Variants in MAP3K15 observed in about 807,000 individuals in gnomAD.
MAP3K15 encodes the protein mitogen-activated protein kinase kinase kinase 15.
A neutral mutation model predicts 99.5 loss-of-function variants in MAP3K15; 124 were observed. That is an observed-to-expected ratio of 1.25 (90% CI 1.08 to 1.45). MAP3K15 has a LOEUF of 1.45. Among genes scored for constraint, MAP3K15 ranks in the 40% most tolerant of loss-of-function variants. The probability of loss-of-function intolerance (pLI) is 0.00; values close to 1 mark genes in which losing one functional copy is unlikely to be tolerated. For synonymous variants in MAP3K15, 494 were observed against 439.6 expected (o/e 1.12, Z -1.55); for missense variants, 1,242 against 1,079.7 (o/e 1.15, Z -2.11).
rs753204408 is a variant in MAP3K15 at position 19,417,899 on chromosome X, T to C, written c.1440-2642A>G. 2.7e-5 allele frequency among the ~76,000 whole-genome samples: 3 copies of C among 112,187 alleles called. No individual in the cohort carries two copies. The South Asian group carries it at 1.1e-3, about 41-fold the overall frequency. ...TGCTGTTCACCAATATCCGCTGTTC[T>C]GCAGCCTCTGCTGCTGATACCCAGG... On this transcript the variant is annotated intron_variant, in intron 9 of 28. Coordinates refer to ENST00000338883, the MANE Select transcript of MAP3K15 (RefSeq NM_001001671.4).
chrX:19,458,955 G>T (rs2064112857), intron 5 of MAP3K15, among the ~76,000 whole-genome samples: 1 of 111,889 alleles, frequency 8.9e-6, no homozygotes, highest in African/African-American at 3.2e-5. Context: ...TCAACTTGGA[G>T]AGAGGAAACG....
chrX:19,477,531 TA>T (rs1337354496), intron 3 of MAP3K15, among the ~76,000 whole-genome samples: 1 of 106,590 alleles, frequency 9.4e-6, no homozygotes. Flanking sequence ...CCAACAGGGT[TA>T]AACCCCATCT....
At chrX:19,450,819 T>C (rs1467112541) in intron 6 of MAP3K15, among the ~76,000 whole-genome samples, 2 of 108,411 alleles carry the variant, frequency 1.8e-5, no homozygotes, top group Non-Finnish European at 3.9e-5. Flanking sequence ...TTTAAGCAAA[T>C]ATTTTTTTAA....
Position 19,431,449 on chromosome X carries a change from G to A in MAP3K15, c.1155C>T (p.Ser385=), listed in dbSNP as rs755422022. Residue 385 remains serine, a synonymous_variant, in exon 7 of 29, where the codon AGC becomes AGT. Transcript: ENST00000338883. ...SDCKDDTSRD[S]AIEWYRKGFE... is the part of the protein sequence containing the mutation. ...GGCTGAGGGTTTACCACTCAATGGC[G>A]CTGTCGCGGCTGGTGTCATCTTTGC... 2 of 1,198,889 alleles carry A rather than the reference G, an allele frequency of 1.7e-6. No individual in the cohort carries two copies. The highest frequency in any genetic ancestry group is 1.8e-5 in the South Asian group (1 of 56,793).
chrX:19,490,379 C>A (rs2064360690), intron 1 of MAP3K15, among the ~76,000 whole-genome samples: 1 of 111,193 alleles, frequency 9.0e-6, no homozygotes, highest in Non-Finnish European at 1.9e-5. Flanking sequence ...TTATTCATTT[C>A]CTATTTCACA....
At chrX:19,411,183 C>CA (rs1227589192) in intron 11 of MAP3K15, among the ~76,000 whole-genome samples, 3,348 of 89,144 alleles carry the variant, frequency 0.038, 152 homozygotes, top group African/African-American at 0.12. Flanking sequence ...GACCCTGCCT[C>CA]AAAAAAAAAA....
chrX:19,362,230 CTTTTT>C (rs1159241316), intron 26 of MAP3K15, among the ~76,000 whole-genome samples: 1 of 75,687 alleles, frequency 1.3e-5, no homozygotes. Flanking sequence ...CCTTTTGAAT[CTTTTT>C]TTTTTTTTTT....
chrX:19,392,318 C>T, intron 17 of MAP3K15, 25 bp downstream of exon 17: 1 of 1,198,061 alleles, frequency 8.3e-7, no homozygotes, highest in Non-Finnish European at 1.1e-6. Flanking sequence ...CAAAGGCAAC[C>T]TCGTCAGCTT....
intron 6 of MAP3K15, among the ~76,000 whole-genome samples, chrX:19,439,625 G>T (rs1031833581): frequency 5.4e-5 from 6 of 110,779 alleles, no homozygotes; most frequent in Admixed American, 9.7e-5. Flanking sequence ...CACCACCAAG[G>T]CAAGATAATT....
chrX:19,420,937 G>A (rs1257867654), intron 9 of MAP3K15, among the ~76,000 whole-genome samples: 1 of 111,517 alleles, frequency 9.0e-6, no homozygotes, highest in Admixed American at 9.5e-5. Flanking sequence ...AAAACCACAT[G>A]ATTATCTCAA....
At chrX:19,394,745 C>T (rs1470311384) in intron 16 of MAP3K15, among the ~76,000 whole-genome samples, 1 of 86,760 alleles carries the variant, frequency 1.2e-5, no homozygotes. Context: ...GCTTATATGA[C>T]ATTTGGAAAG....
chrX:19,415,739 G>T (rs1165502098), intron 9 of MAP3K15, among the ~76,000 whole-genome samples: 1 of 110,448 alleles, frequency 9.1e-6, no homozygotes. Flanking sequence ...ATTAGAAAAA[G>T]CTAGGTATGC....
intron 1 of MAP3K15, among the ~76,000 whole-genome samples, chrX:19,501,547 A>G (rs1316332690): frequency 8.9e-6 from 1 of 111,866 alleles, no homozygotes; most frequent in Non-Finnish European, 1.9e-5. Flanking sequence ...CATTTTCAAC[A>G]TGCCACTGGA....
chrX:19,388,647 T>C (rs902994063), intron 18 of MAP3K15, among the ~76,000 whole-genome samples: 20 of 112,085 alleles, frequency 1.8e-4, no homozygotes, highest in Admixed American at 4.8e-4. Flanking sequence ...ATTTCTATTT[T>C]ACTTACGAAG....
intron 7 of MAP3K15, among the ~76,000 whole-genome samples, chrX:19,429,909 C>T (rs755803203): frequency 9.1e-6 from 1 of 109,852 alleles, no homozygotes; most frequent in South Asian, 4.0e-4. Flanking sequence ...TTGGTTCCAC[C>T]TTCGGAATAT....
In MAP3K15 at chrX:19,460,005, G is replaced by A; in HGVS notation, c.868C>T (p.Leu290=). 1 of 1,174,941 alleles carries A rather than the reference G, an allele frequency of 8.5e-7. No homozygotes were observed. The highest frequency in any genetic ancestry group is 1.9e-5 in the South Asian group (1 of 52,401). Residue 290 remains leucine, a synonymous_variant, in exon 5 of 29, where the codon CTG becomes TTG. Transcript: ENST00000338883. ...LTSDIIINLL[L]SYRDIQDYDA... Reference sequence around the variant, plus strand: ...CATACCTGGATATCACGGTAGGACAGGAGTAAGTTAATGATGATGTCTGAG... The same window carrying A: ...CATACCTGGATATCACGGTAGGACAAGAGTAAGTTAATGATGATGTCTGAG...
At chrX:19,509,837 T>C (rs1460213155) in intron 1 of MAP3K15, among the ~76,000 whole-genome samples, 2 of 111,203 alleles carry the variant, frequency 1.8e-5, no homozygotes, top group African/African-American at 3.3e-5. Flanking sequence ...ACAAAATTGA[T>C]AGACCACTAC....
At chrX:19,447,024 T>G (rs2064003378) in intron 6 of MAP3K15, among the ~76,000 whole-genome samples, 1 of 111,030 alleles carries the variant, frequency 9.0e-6, no homozygotes, top group Admixed American at 9.6e-5. Context: ...CATGCGCTAC[T>G]CCTGCCTCAG....
At chrX:19,464,528 A>G (rs1388276508) in intron 3 of MAP3K15, 122 bp from the exon 4 acceptor site, 1 of 496,986 alleles carries the variant, frequency 2.0e-6, no homozygotes, top group Non-Finnish European at 3.2e-6. Flanking sequence ...AATTCGTTCA[A>G]TACGACTATG....
Sources: allele counts gnomAD v4.1 joint callset (sites outside exome capture counted in the v4.1 genomes callset), GRCh38; gene constraint gnomAD v4.1.1; transcripts MANE v1.5; gene names NCBI Gene and HGNC (gene_info 2026-07-23, HGNC 2026-07-21).